Variants in KAZN observed in about 807,000 individuals in gnomAD.
The protein encoded by KAZN is kazrin.
Under a neutral mutation model 87.4 loss-of-function variants are expected in KAZN, and 40 were observed. The observed-to-expected ratio is 0.46, with a 90% CI of 0.36 to 0.60. The LOEUF is 0.60. KAZN is among the 20% of genes least tolerant of loss of function. The pLI, the probability that KAZN is intolerant of heterozygous loss-of-function variation, is 0.00. For synonymous variants in KAZN, 466 were observed against 458.3 expected, an observed-to-expected ratio of 1.02 and a Z score of -0.22; for missense variants, 898 against 1,073.9, an observed-to-expected ratio of 0.84 and a Z score of 2.29.
chr1:14,453,204 C>T lies in KAZN; in HGVS notation c.250-145779C>T, dbSNP rs941581624. Among the ~76,000 whole-genome samples the T allele has an allele frequency of 4.6e-5, 7 of 152,222 alleles. 1 individual carries two copies. Among genetic ancestry groups the T allele is most frequent in the Admixed American group, 1.3e-4 (2 of 15,298 alleles). The stretch of plus-strand genomic sequence containing the variant: ...TCTCCTGACCTCGTGATCCGCCCGC[C>T]TCGGCCTCCCAAAGTGCTGGGATTA... On this transcript the variant is annotated intron_variant, in intron 2 of 16. Coordinates refer to the KAZN transcript ENST00000636203.
In KAZN at chr1:15,063,556, TCTC is replaced by T. The variant is rs1379468613; in HGVS notation, c.1048-12_1048-10del. Reference sequence around the variant, plus strand: ...TGTCTCTGCTGTTTCATCTTCCTCTTCTCCTCTGGCTACAGGGCGACAGTCCCG... The same window carrying T: ...TGTCTCTGCTGTTTCATCTTCCTCTTCTCTGGCTACAGGGCGACAGTCCCG... On this transcript the variant is annotated splice_polypyrimidine_tract_variant and intron_variant, in intron 6 of 14. Coordinates refer to ENST00000376030, the MANE Select transcript of KAZN (RefSeq NM_201628.3). The T allele has an allele frequency of 3.1e-6, 5 of 1,612,362 alleles. No individual in the cohort carries two copies. The highest frequency in any genetic ancestry group is 1.7e-5 in the Admixed American group (1 of 59,994).
intron 1 of KAZN, among the ~76,000 whole-genome samples, chr1:14,727,234 G>A (rs936425591): frequency 3.3e-5 from 5 of 152,176 alleles, no homozygotes; most frequent in Non-Finnish European, 7.4e-5. Flanking sequence ...ATGCAGATGC[G>A]GAGGAGAACA....
rs147462004 is a variant in KAZN at position 14,067,416 on chromosome 1, G to C, written c.92-113019G>C. Among the ~76,000 whole-genome samples, 9 of 152,326 alleles carry C rather than the reference G, an allele frequency of 5.9e-5. No individual in the cohort carries two copies. In the East Asian group the frequency reaches 1.7e-3, roughly 29 times the overall value. ...AGCTTTGAAGTTATTTCATGATGTTGCCTACAACTGGAGAAATAGAACGAC... is the reference window on the plus strand; with the variant it reads ...AGCTTTGAAGTTATTTCATGATGTTCCCTACAACTGGAGAAATAGAACGAC... On this transcript the variant is annotated intron_variant, in intron 1 of 16. Coordinates refer to the KAZN transcript ENST00000636203.
chr1:14,827,750 C>T (rs755812750), intron 1 of KAZN, among the ~76,000 whole-genome samples: 5 of 152,194 alleles, frequency 3.3e-5, no homozygotes, highest in South Asian at 2.1e-4. Flanking sequence ...AATAAAGCAG[C>T]TGTCTTACCT....
At chr1:14,085,600 A>G (rs1206462525) in intron 1 of KAZN, among the ~76,000 whole-genome samples, 1 of 152,184 alleles carries the variant, frequency 6.6e-6, no homozygotes, top group Admixed American at 6.5e-5. Flanking sequence ...CTGTATCAGG[A>G]GCTCATTCCT....
intron 2 of KAZN, among the ~76,000 whole-genome samples, chr1:14,338,072 C>G (rs1293876778): frequency 6.6e-6 from 1 of 152,086 alleles, no homozygotes; most frequent in Non-Finnish European, 1.5e-5. Flanking sequence ...GACCCCTTCC[C>G]ACCCTCCAGA....
chr1:14,871,760 G>A (rs541568475), intron 1 of KAZN, among the ~76,000 whole-genome samples: 16 of 151,904 alleles, frequency 1.1e-4, no homozygotes, highest in African/African-American at 3.9e-4. Flanking sequence ...TGAAGGCATA[G>A]TATCCTGATT....
At chr1:14,620,133 A>G (rs1678579556) in intron 1 of KAZN, among the ~76,000 whole-genome samples, 1 of 152,236 alleles carries the variant, frequency 6.6e-6, no homozygotes, top group Admixed American at 6.5e-5. Context: ...CTATGTATAT[A>G]TGCGTATTTT....
At chr1:14,339,948 G>A (rs820619) in intron 2 of KAZN, among the ~76,000 whole-genome samples, 4 of 152,042 alleles carry the variant, frequency 2.6e-5, no homozygotes, top group East Asian at 3.9e-4. Flanking sequence ...GCTACCTATC[G>A]TCTTACCCTG....
At chr1:14,951,171 C>T (rs1164695974) in intron 1 of KAZN, among the ~76,000 whole-genome samples, 1 of 152,154 alleles carries the variant, frequency 6.6e-6, no homozygotes, top group Non-Finnish European at 1.5e-5. Flanking sequence ...AGCAAAGATG[C>T]ATTTCTTTCC....
At chr1:14,167,158 T>C (rs139813813) in intron 1 of KAZN, among the ~76,000 whole-genome samples, 17 of 152,370 alleles carry the variant, frequency 1.1e-4, no homozygotes, top group Admixed American at 9.8e-4. Flanking sequence ...GAGTTCTTTA[T>C]GGAGTTCTGG....
intron 2 of KAZN, among the ~76,000 whole-genome samples, chr1:14,339,536 G>A (rs930893847): frequency 3.3e-5 from 5 of 152,130 alleles, no homozygotes; most frequent in East Asian, 1.9e-4. Flanking sequence ...AGCTAGACAC[G>A]CAGGAGAGCC....
chr1:14,582,327 G>C (rs999077861), intron 2 of KAZN, among the ~76,000 whole-genome samples: 1 of 152,168 alleles, frequency 6.6e-6, no homozygotes, highest in African/African-American at 2.4e-5. Flanking sequence ...ATCAAGAAGA[G>C]CTTCTTGGTG....
chr1:14,520,410 C>T (rs1671525151), intron 2 of KAZN, among the ~76,000 whole-genome samples: 1 of 152,080 alleles, frequency 6.6e-6, no homozygotes, highest in South Asian at 2.1e-4. Context: ...GAGAGAGAAA[C>T]AGGCACTGAA....
intron 2 of KAZN, among the ~76,000 whole-genome samples, chr1:14,966,672 CG>C (rs1664488465): frequency 1.3e-5 from 2 of 152,010 alleles, no homozygotes; most frequent in East Asian, 1.9e-4. Flanking sequence ...ATTTTACCCA[CG>C]TTTTTTTTTC....
intron 2 of KAZN, among the ~76,000 whole-genome samples, chr1:14,410,554 G>A (rs1017779608): frequency 6.6e-6 from 1 of 152,198 alleles, no homozygotes; most frequent in Non-Finnish European, 1.5e-5. Flanking sequence ...CCCTAGGACA[G>A]TTAAATGTTG....
chr1:14,277,257 C>T (rs1237578853), intron 2 of KAZN, among the ~76,000 whole-genome samples: 2 of 152,202 alleles, frequency 1.3e-5, no homozygotes, highest in African/African-American at 4.8e-5. Flanking sequence ...TACATCATAT[C>T]ATTTCACCCA....
intron 1 of KAZN, among the ~76,000 whole-genome samples, chr1:14,172,914 C>T (rs866641841): frequency 5.3e-5 from 8 of 152,182 alleles, no homozygotes; most frequent in African/African-American, 1.9e-4. Flanking sequence ...GTGTGGGCTT[C>T]CTCCAAGTAT....
chr1:14,136,215 A>T (rs975640928), intron 1 of KAZN, among the ~76,000 whole-genome samples: 5 of 152,048 alleles, frequency 3.3e-5, no homozygotes, highest in Non-Finnish European at 5.9e-5. Flanking sequence ...GGGAGGCAGG[A>T]CTGCAGAGTT....
Sources: allele counts gnomAD v4.1 joint callset (sites outside exome capture counted in the v4.1 genomes callset), GRCh38; gene constraint gnomAD v4.1.1; transcripts MANE v1.5; gene names NCBI Gene and HGNC (gene_info 2026-07-23, HGNC 2026-07-21).